CDHR2: variants seen among roughly 807,000 people sequenced by gnomAD.
CDHR2 encodes cadherin-related family member 2.
Under a neutral mutation model 138.6 loss-of-function variants are expected in CDHR2, and 104 were observed. The observed-to-expected ratio is 0.75, with a 90% CI of 0.64 to 0.88. CDHR2 has a LOEUF of 0.88. CDHR2 is among the 40% of genes least tolerant of loss of function. CDHR2 has a pLI of 0.00. For missense variants in CDHR2, 1,624 were observed against 1,727.6 expected, an observed-to-expected ratio of 0.94 and a Z score of 1.06; for synonymous variants, 755 against 742.8, an observed-to-expected ratio of 1.02 and a Z score of -0.27.
At position 176,581,463 on chromosome 5, in the gene CDHR2, C is replaced by T. The variant is rs780693711; in HGVS notation, c.1939C>T (p.Pro647Ser). 2.5e-6 allele frequency: 4 copies of T among 1,614,166 alleles called. No homozygotes were observed. The highest frequency in any genetic ancestry group is 3.3e-5 in the Admixed American group (2 of 60,034). The stretch of plus-strand genomic sequence containing the variant: ...CACAGGGCTCCTCAGAAACCTGGGG[C>T]CCCTGGACAGAGAGGCCATCGACCC... ...PDTGLLRNLG[P>S]LDREAIDPAL... Residue 647 changes from proline to serine, a missense_variant, in exon 17 of 32, where the codon CCC (proline) becomes TCC (serine). Transcript: ENST00000261944.
chr5:176,561,408 C>A (rs1372552799), intron 1 of CDHR2, among the ~76,000 whole-genome samples: 1 of 152,182 alleles, frequency 6.6e-6, no homozygotes, highest in Non-Finnish European at 1.5e-5. Context: ...TGAGCCTACA[C>A]TGGGCTCAGC....
At position 176,578,558 on chromosome 5, in the gene CDHR2, TACA is replaced by T. The variant is rs370318208; in HGVS notation, c.1772_1774del (p.Asn591del). The T allele has an allele frequency of 5.6e-4, 910 of 1,613,688 alleles. 3 individuals are homozygous for T. The African/African-American group carries it at 0.011, about 19-fold the overall frequency. ...CAATGCACCCGTGGTTAGCGGCTCC[TACA>T]ACATCTTCGTCCAGGAGGAGGAGGG... is the stretch of plus-strand genomic sequence containing the variant. On this transcript the variant is annotated inframe_deletion, in exon 16 of 32. Coordinates refer to ENST00000261944, the MANE Select transcript of CDHR2 (RefSeq NM_017675.6).
intron 1 of CDHR2, among the ~76,000 whole-genome samples, chr5:176,559,218 A>G (rs1757911747): frequency 6.6e-6 from 1 of 152,184 alleles, no homozygotes; most frequent in Non-Finnish European, 1.5e-5. Context: ...GCAAGTCACT[A>G]AGGCCAGCTC....
At position 176,587,653 on chromosome 5, in the gene CDHR2, C is replaced by G. The variant is rs111607599; in HGVS notation, c.2856+811C>G. 7.9e-3 allele frequency among the ~76,000 whole-genome samples: 1,206 copies of G among 152,128 alleles called. 17 individuals are homozygous for G. Among genetic ancestry groups the G allele is most frequent in the African/African-American group, 0.028 (1,141 of 41,470 alleles). On this transcript the variant is annotated intron_variant, in intron 21 of 31. Transcript: ENST00000261944. ...CTACCCTCTCTGGGACTCCGTTTCC[C>G]TGTTCAACAAGAAGCTAGCAGTTCC...
upstream of CDHR2, among the ~76,000 whole-genome samples, chr5:176,547,214 T>G (rs867239319): frequency 3.5e-4 from 53 of 152,264 alleles, no homozygotes; most frequent in African/African-American, 1.1e-3. Flanking sequence ...CTTGACCTGG[T>G]GATCCACCCG....
intron 1 of CDHR2, among the ~76,000 whole-genome samples, chr5:176,562,005 AAG>A (rs1757978167): frequency 6.6e-6 from 1 of 152,062 alleles, no homozygotes; most frequent in Admixed American, 6.6e-5. Context: ...GCATTCCAAA[AAG>A]AGGGACGGGC....
Position 176,575,210 on chromosome 5 carries a change from G to A in CDHR2, c.621+1G>A. ...CTACCAGCTGGAGCTGAAGGCCTGTGTGAGTGGGGGTGCCGGCAGGCGGGC... is the reference window on the plus strand; with the variant it reads ...CTACCAGCTGGAGCTGAAGGCCTGTATGAGTGGGGGTGCCGGCAGGCGGGC... On this transcript the variant is annotated splice_donor_variant, in intron 8 of 31. Coordinates refer to ENST00000261944, the MANE Select transcript of CDHR2 (RefSeq NM_017675.6). LOFTEE classifies it high-confidence loss of function. 1.2e-6 allele frequency: 2 copies of A among 1,614,190 alleles called. No homozygotes were observed. The highest frequency in any genetic ancestry group is 1.7e-6 in the Non-Finnish European group (2 of 1,180,022).
At position 176,589,555 on chromosome 5, in the gene CDHR2, T is replaced by C. The variant is rs1388915469; in HGVS notation, c.3145T>C (p.Ser1049Pro). 4 of 1,613,962 alleles carry C rather than the reference T, an allele frequency of 2.5e-6. No individual in the cohort carries two copies. In the African/African-American group the frequency reaches 5.3e-5, roughly 22 times the overall value. ...CTTCACCGTGGACCAGAGTTACCGC[T>C]CGCGGCTGCAGTTCTCCACACCGAA... ...NLFTVDQSYR[S>P]RLQFSTPKEE... Residue 1049 changes from serine (S) to proline (P), a missense_variant, in exon 24 of 32, where the codon TCG becomes CCG. Coordinates refer to ENST00000261944, the MANE Select transcript of CDHR2 (RefSeq NM_017675.6).
At chr5:176,586,131 G>T in intron 20 of CDHR2, 106 bp downstream of exon 20, 1 of 820,698 alleles carries the variant, frequency 1.2e-6, no homozygotes, top group Admixed American at 2.0e-5. Context: ...TTAGAAAGGG[G>T]GGAAGGCCTC....
intron 1 of CDHR2, among the ~76,000 whole-genome samples, chr5:176,544,089 A>T (rs1018942994): frequency 1.3e-5 from 2 of 152,332 alleles, no homozygotes; most frequent in Admixed American, 6.5e-5. Context: ...GTCCCTGCAG[A>T]CCGCGCCTCC....
At chr5:176,560,466 G>C (rs889677427) in intron 1 of CDHR2, among the ~76,000 whole-genome samples, 2 of 152,058 alleles carry the variant, frequency 1.3e-5, no homozygotes, top group East Asian at 3.8e-4. Context: ...AAGGGGAGCA[G>C]ACATAGTCCT....
rs777434705 is a variant in CDHR2 at position 176,574,213 on chromosome 5, G to A, written c.495+41G>A. On this transcript the variant is annotated intron_variant, in intron 7 of 31. Coordinates refer to ENST00000261944, the MANE Select transcript of CDHR2 (RefSeq NM_017675.6). ...GCCCTGACCGCCTTTGTGACCGCCA[G>A]GGGGCAGCATCTCCACAGACAACCC... 15 of 1,437,202 alleles carry A rather than the reference G, an allele frequency of 1.0e-5. No individual in the cohort carries two copies. The South Asian group carries it at 1.5e-4, about 14-fold the overall frequency. 89.0% of individuals were successfully genotyped at this position (1,437,202 alleles called of 1,614,324 possible).
rs1251741014 is a variant in CDHR2 at position 176,586,848 on chromosome 5, T to C, written c.2856+6T>C. 1 of 1,607,790 alleles carries C rather than the reference T, an allele frequency of 6.2e-7. No homozygotes were observed. The highest frequency in any genetic ancestry group is 8.5e-7 in the Non-Finnish European group (1 of 1,177,100). ...GGGAGGTGGCTTCTGTCCGGGTAAG[T>C]TCTTGGCTCCAGCCTTTGTTGGTCA... is the stretch of plus-strand genomic sequence containing the variant. On this transcript the variant is annotated splice_donor_region_variant and intron_variant, in intron 21 of 31. Transcript: ENST00000261944.
chr5:176,555,917 A>C (rs1226519294), intron 1 of CDHR2, among the ~76,000 whole-genome samples: 1 of 122,460 alleles, frequency 8.2e-6, no homozygotes, highest in East Asian at 2.5e-4. Flanking sequence ...AACAAAAAAA[A>C]CCCCCTCTGA....
chr5:176,579,430 C>G (rs890529552), intron 16 of CDHR2, among the ~76,000 whole-genome samples: 3 of 152,224 alleles, frequency 2.0e-5, no homozygotes. Context: ...GCTGGGGCTG[C>G]AGCCCAGACC....
chr5:176,589,530 CTT>C lies in CDHR2; in HGVS notation c.3121_3122del (p.Phe1041HisfsTer27). On this transcript the variant is annotated frameshift_variant, in exon 24 of 32. Coordinates refer to ENST00000261944, the MANE Select transcript of CDHR2 (RefSeq NM_017675.6). LOFTEE classifies it high-confidence loss of function. ...TCTCCTGCACACCCCCTTCCCAGCT[CTT>C]CACCGTGGACCAGAGTTACCGCTCG... Reference protein sequence around the residue: ...FLEATTTLNLFTVDQSYRSRL... With the variant: ...FLEATTTLNLXTVDQSYRSRL... 6.2e-7 allele frequency: 1 copy of C among 1,614,110 alleles called. No individual in the cohort carries two copies. Among genetic ancestry groups the C allele is most frequent in the Non-Finnish European group, 8.5e-7 (1 of 1,180,014 alleles).
intron 5 of CDHR2, among the ~76,000 whole-genome samples, chr5:176,569,293 T>A (rs1297604304): frequency 6.6e-6 from 1 of 150,650 alleles, no homozygotes; most frequent in Non-Finnish European, 1.5e-5. Context: ...AAATGTTTTT[T>A]TTTTTTTTGA....
At chr5:176,591,596 G>C (rs1404507609) in intron 30 of CDHR2, 112 bp downstream of exon 30, 3 of 819,800 alleles carry the variant, frequency 3.7e-6, no homozygotes, top group Non-Finnish European at 4.1e-6. Context: ...GTGATGGTGT[G>C]GTCATGGTAG....
At position 176,572,685 on chromosome 5, in the gene CDHR2, C is replaced by T. The variant is rs540775236; in HGVS notation, c.405+1383C>T. Among the ~76,000 whole-genome samples the T allele has an allele frequency of 1.5e-4, 23 of 152,304 alleles. 2 individuals carry two copies. The highest frequency in any genetic ancestry group is 5.3e-4 in the African/African-American group (22 of 41,564). ...CCTGATGGTCACTGGGCAGCAAATA[C>T]CACCACTCCTGAACTTCCGTTGCCA... On this transcript the variant is annotated intron_variant, in intron 6 of 31. Coordinates refer to ENST00000261944, the MANE Select transcript of CDHR2 (RefSeq NM_017675.6).
Sources: gnomAD v4.1 joint callset for allele counts (sites outside exome capture counted in the v4.1 genomes callset) on GRCh38, gnomAD v4.1.1 for gene constraint, MANE v1.5 for transcripts, NCBI Gene and HGNC (gene_info 2026-07-23, HGNC 2026-07-21) for gene names.